Variants in STAG1 observed in about 807,000 individuals in gnomAD.
The protein encoded by STAG1 is cohesin subunit SA-1.
STAG1 carries 26 observed loss-of-function variants against 170.9 expected under a neutral mutation model. The observed-to-expected ratio is 0.15, with a 90% CI of 0.11 to 0.21. STAG1 has a LOEUF of 0.21. Ranked by LOEUF, STAG1 falls within the 10% of genes least tolerant of loss-of-function variation. STAG1 has a pLI of 1.00. For missense variants in STAG1, 964 were observed against 1,509.5 expected, an observed-to-expected ratio of 0.64 and a Z score of 5.99; for synonymous variants, 514 against 497.7, an observed-to-expected ratio of 1.03 and a Z score of -0.44.
At chr3:136,699,635 G>T (rs1942991689) in intron 1 of STAG1, among the ~76,000 whole-genome samples, 1 of 151,844 alleles carries the variant, frequency 6.6e-6, no homozygotes, top group African/African-American at 2.4e-5. Context: ...TACTTGGATG[G>T]AGGTAGAGGC....
intron 17 of STAG1, 24 bp downstream of exon 17, chr3:136,422,928 A>C (rs760831660): frequency 1.3e-6 from 2 of 1,590,022 alleles, no homozygotes; most frequent in Non-Finnish European, 1.7e-6. Flanking sequence ...CAGTGACATA[A>C]CAAAACTGTA....
chr3:136,739,711 C>A (rs1032484480), intron 1 of STAG1, among the ~76,000 whole-genome samples: 1 of 151,724 alleles, frequency 6.6e-6, no homozygotes, highest in Non-Finnish European at 1.5e-5. Flanking sequence ...GTAGTCCCAG[C>A]TACTCGAGAG....
At chr3:136,402,737 G>A (rs1371820411) in intron 21 of STAG1, among the ~76,000 whole-genome samples, 1 of 151,636 alleles carries the variant, frequency 6.6e-6, no homozygotes, top group East Asian at 2.0e-4. Context: ...TGAGATATGA[G>A]AATCACTTTA....
At chr3:136,540,323 C>CAA (rs34451527) in intron 6 of STAG1, among the ~76,000 whole-genome samples, 1 of 123,536 alleles carries the variant, frequency 8.1e-6, no homozygotes, top group African/African-American at 3.0e-5. Context: ...TACTATCAAA[C>CAA]AAAAAAAAAA....
chr3:136,665,147 T>C (rs1199331918), intron 1 of STAG1, among the ~76,000 whole-genome samples: 1 of 152,214 alleles, frequency 6.6e-6, no homozygotes, highest in African/African-American at 2.4e-5. Flanking sequence ...CACAGGTCCA[T>C]CAATAAAGAG....
At chr3:136,395,698 T>G (rs1020403689) in intron 22 of STAG1, among the ~76,000 whole-genome samples, 1 of 152,212 alleles carries the variant, frequency 6.6e-6, no homozygotes, top group Admixed American at 6.5e-5. Context: ...TGCTGAATTT[T>G]TACGGAATAA....
At chr3:136,565,143 A>AGGAAAGAGAAG in intron 5 of STAG1, among the ~76,000 whole-genome samples, 1 of 151,274 alleles carries the variant, frequency 6.6e-6, no homozygotes, top group African/African-American at 2.4e-5. Context: ...GGGAAGAGAA[A>AGGAAAGAGAAG]GGAAAGAGAA....
intron 21 of STAG1, among the ~76,000 whole-genome samples, chr3:136,402,695 G>A (rs1023839821): frequency 6.6e-6 from 1 of 151,490 alleles, no homozygotes; most frequent in Admixed American, 6.6e-5. Flanking sequence ...ACCGGGTGTG[G>A]TGGCACATGC....
rs75450906 is a variant in STAG1 at position 136,492,871 on chromosome 3, A to G, written c.902+7352T>C. 8.5e-3 allele frequency among the ~76,000 whole-genome samples: 1,290 copies of G among 152,312 alleles called. 22 individuals are homozygous for G. The highest frequency in any genetic ancestry group is 0.03 in the African/African-American group (1,233 of 41,552). ...AGAGATGACTGAACACTCTGAAAATAATGCTGTACAGGTGGGTTAGTAACT... is the reference window on the plus strand; with the variant it reads ...AGAGATGACTGAACACTCTGAAAATGATGCTGTACAGGTGGGTTAGTAACT... On this transcript the variant is annotated intron_variant, in intron 9 of 33. Transcript: ENST00000383202.
rs571543406 is a variant in STAG1 at position 136,426,717 on chromosome 3, T to A, written c.1651-3673A>T. On this transcript the variant is annotated intron_variant, in intron 16 of 33. Transcript: ENST00000383202. ...ACTTTGGGAGGCTGAGACAGACAGA[T>A]CACTAGACATCAGGAGTTCAAGAGC... 2.0e-5 allele frequency among the ~76,000 whole-genome samples: 3 copies of A among 152,152 alleles called. No individual in the cohort carries two copies. The South Asian group carries it at 6.2e-4, about 32-fold the overall frequency.
At chr3:136,743,817 A>C (rs953573297) in intron 1 of STAG1, among the ~76,000 whole-genome samples, 15 of 152,226 alleles carry the variant, frequency 9.9e-5, no homozygotes, top group Non-Finnish European at 2.9e-5. Context: ...GTGAAGAAAT[A>C]GGCCAAAAAT....
chr3:136,436,794 C>T (rs193205985), intron 15 of STAG1, among the ~76,000 whole-genome samples: 62 of 152,202 alleles, frequency 4.1e-4, no homozygotes, highest in Non-Finnish European at 8.5e-4. Context: ...AAAAAAGATA[C>T]AACATCTTGT....
At chr3:136,551,192 A>C (rs1476548578) in intron 5 of STAG1, among the ~76,000 whole-genome samples, 1 of 116,784 alleles carries the variant, frequency 8.6e-6, no homozygotes, top group Non-Finnish European at 1.7e-5. Context: ...AGAGAGAGAG[A>C]GAGGTTGAGA....
intron 1 of STAG1, among the ~76,000 whole-genome samples, chr3:136,631,580 T>C (rs1940329873): frequency 6.6e-6 from 1 of 152,130 alleles, no homozygotes; most frequent in Non-Finnish European, 1.5e-5. Context: ...CTTGTCAATA[T>C]AGGTTGATCA....
chr3:136,597,159 T>C (rs1938465353), intron 4 of STAG1, among the ~76,000 whole-genome samples: 2 of 152,226 alleles, frequency 1.3e-5, no homozygotes. Flanking sequence ...ATTTTTATTT[T>C]TTTGTTAGTA....
At chr3:136,588,483 G>A (rs1937959869) in intron 4 of STAG1, among the ~76,000 whole-genome samples, 1 of 152,068 alleles carries the variant, frequency 6.6e-6, no homozygotes, top group Non-Finnish European at 1.5e-5. Context: ...CAGGATTACC[G>A]ATGCATGCCA....
chr3:136,718,991 G>A (rs1433424444), intron 1 of STAG1, among the ~76,000 whole-genome samples: 3 of 152,018 alleles, frequency 2.0e-5, no homozygotes, highest in Non-Finnish European at 2.9e-5. Context: ...ACAATTTAGC[G>A]GTTTCTTAAA....
chr3:136,354,859 T>C (rs1936585192), intron 28 of STAG1, among the ~76,000 whole-genome samples: 1 of 149,990 alleles, frequency 6.7e-6, no homozygotes, highest in Non-Finnish European at 1.5e-5. Flanking sequence ...AAACACATGA[T>C]CCAATTTGCT....
At chr3:136,668,706 AT>A (rs1423148200) in intron 1 of STAG1, among the ~76,000 whole-genome samples, 1 of 152,104 alleles carries the variant, frequency 6.6e-6, no homozygotes, top group South Asian at 2.1e-4. Flanking sequence ...TTGAGCAGAA[AT>A]GGTCAGACCG....
Sources: gnomAD v4.1 joint callset for allele counts (sites outside exome capture counted in the v4.1 genomes callset) on GRCh38, gnomAD v4.1.1 for gene constraint, MANE v1.5 for transcripts, NCBI Gene and HGNC (gene_info 2026-07-23, HGNC 2026-07-21) for gene names.